Variants in MBD5 observed in about 807,000 individuals in gnomAD.
MBD5 encodes the protein methyl-CpG binding domain protein 5.
A neutral mutation model predicts 117.3 loss-of-function variants in MBD5; 13 were observed. That is an observed-to-expected ratio of 0.11 (90% CI 0.07 to 0.18). MBD5 has a LOEUF of 0.18. Among genes scored for constraint, MBD5 ranks in the 10% least tolerant of loss-of-function variants. MBD5 has a pLI of 1.00. For synonymous variants in MBD5, 727 were observed against 766.4 expected (o/e 0.95, Z 0.85); for missense variants, 1,879 against 2,093.8 (o/e 0.90, Z 2.00).
At chr2:148,233,172 T>C (rs1186574557) in intron 2 of MBD5, 73 bp from the exon 3 acceptor site, 1 of 152,222 alleles carries the variant, frequency 6.6e-6, no homozygotes, top group Non-Finnish European at 1.5e-5. Flanking sequence ...TCCTTAAATA[T>C]GAATGTAAAA....
chr2:148,465,541 A>G (rs1378486684), intron 7 of MBD5, among the ~76,000 whole-genome samples: 1 of 152,170 alleles, frequency 6.6e-6, no homozygotes, highest in Non-Finnish European at 1.5e-5. Context: ...ACCTGTAGTG[A>G]TCAGAGAAAG....
intron 4 of MBD5, among the ~76,000 whole-genome samples, chr2:148,386,714 G>T (rs1405358918): frequency 4.2e-5 from 3 of 71,258 alleles, no homozygotes; most frequent in Admixed American, 1.7e-4. Context: ...GCGAGACTCC[G>T]TCTCAAAAAA....
intron 4 of MBD5, among the ~76,000 whole-genome samples, chr2:148,402,143 C>T (rs774793298): frequency 1.3e-5 from 2 of 151,866 alleles, no homozygotes; most frequent in African/African-American, 2.4e-5. Context: ...CTATTTTCCC[C>T]CTTTGTCATT....
intron 3 of MBD5, among the ~76,000 whole-genome samples, chr2:148,291,236 C>G (rs1056328663): frequency 1.3e-5 from 2 of 152,110 alleles, no homozygotes; most frequent in African/African-American, 4.8e-5. Context: ...ATTTTAGCAA[C>G]AAAGCTAGCT....
intron 2 of MBD5, among the ~76,000 whole-genome samples, chr2:148,225,088 G>A (rs1377017089): frequency 6.6e-6 from 1 of 152,048 alleles, no homozygotes; most frequent in Non-Finnish European, 1.5e-5. Context: ...TGGTAAGTAA[G>A]GACTTACTCC....
intron 1 of MBD5, among the ~76,000 whole-genome samples, chr2:148,068,955 TCA>T (rs1695279624): frequency 6.6e-6 from 1 of 152,206 alleles, no homozygotes; most frequent in Non-Finnish European, 1.5e-5. Flanking sequence ...AGAGAAAATA[TCA>T]CAGTTTTTTA....
intron 8 of MBD5, among the ~76,000 whole-genome samples, chr2:148,482,271 T>C (rs1236760141): frequency 1.3e-5 from 2 of 152,144 alleles, no homozygotes; most frequent in African/African-American, 4.8e-5. Context: ...ATAATTGTCA[T>C]AGCGTTGCTT....
intron 4 of MBD5, among the ~76,000 whole-genome samples, chr2:148,388,552 T>C (rs528916974): frequency 2.0e-5 from 3 of 152,334 alleles, no homozygotes; most frequent in East Asian, 1.9e-4. Context: ...ATTCATTTTC[T>C]AGGGCTGCCT....
At chr2:148,034,130 G>T (rs1050324292) in intron 1 of MBD5, among the ~76,000 whole-genome samples, 3 of 152,100 alleles carry the variant, frequency 2.0e-5, no homozygotes, top group African/African-American at 7.2e-5. Flanking sequence ...GCGAGGTCAA[G>T]GCTGCAGGGA....
intron 2 of MBD5, among the ~76,000 whole-genome samples, chr2:148,207,828 T>C (rs1200348258): frequency 6.6e-6 from 1 of 152,220 alleles, no homozygotes; most frequent in Non-Finnish European, 1.5e-5. Flanking sequence ...CATTAATATA[T>C]GTTCATATAG....
chr2:148,256,171 C>G (rs1270221020), intron 3 of MBD5, among the ~76,000 whole-genome samples: 1 of 152,236 alleles, frequency 6.6e-6, no homozygotes, highest in Non-Finnish European at 1.5e-5. Flanking sequence ...TTAGGGCATG[C>G]CTGAGCACAT....
intron 4 of MBD5, among the ~76,000 whole-genome samples, chr2:148,410,400 G>C (rs764934612): frequency 1.3e-5 from 2 of 151,828 alleles, no homozygotes; most frequent in African/African-American, 2.4e-5. Flanking sequence ...TTTTCTTATT[G>C]GTTTGTAGGT....
At chr2:148,201,306 GT>G (rs1699134278) in intron 2 of MBD5, among the ~76,000 whole-genome samples, 1 of 152,158 alleles carries the variant, frequency 6.6e-6, no homozygotes, top group Non-Finnish European at 1.5e-5. Flanking sequence ...GACCAGGTGT[GT>G]TGCAAGTGAC....
chr2:148,368,106 G>A (rs923309240), intron 4 of MBD5, among the ~76,000 whole-genome samples: 12 of 152,194 alleles, frequency 7.9e-5, no homozygotes, highest in Non-Finnish European at 1.0e-4. Context: ...ACTGGATTAA[G>A]AAAATGTGGC....
intron 2 of MBD5, among the ~76,000 whole-genome samples, chr2:148,221,653 G>C (rs1434597684): frequency 6.6e-6 from 1 of 151,896 alleles, no homozygotes; most frequent in Non-Finnish European, 1.5e-5. Flanking sequence ...GTATATTCTA[G>C]TTATTAACCC....
chr2:148,021,558 G>A lies in MBD5; in HGVS notation c.-1051G>A. The stretch of plus-strand genomic sequence containing the variant: ...GCTGGAGACATCTCACTACACCCAG[G>A]AGCAGCCACTTCCCCAGCTCTCCTC... On this transcript the variant is annotated 5_prime_UTR_variant, in exon 1 of 14. Coordinates refer to ENST00000642680, the MANE Select transcript of MBD5 (RefSeq NM_001378120.1). 3.7e-6 allele frequency: 2 copies of A among 547,020 alleles called. No homozygotes were observed. Among genetic ancestry groups the A allele is most frequent in the South Asian group, 3.1e-5 (2 of 65,204 alleles). The allele number at this position is 547,020 out of a possible 1,614,324, so 33.9% of individuals were successfully genotyped here.
Position 148,335,527 on chromosome 2 carries a change from T to C in MBD5, c.-679-6687T>C, listed in dbSNP as rs1223642962. Among the ~76,000 whole-genome samples the C allele has an allele frequency of 2.6e-5, 4 of 152,020 alleles. No homozygotes were observed. In the East Asian group the frequency reaches 7.7e-4, roughly 29 times the overall value. ...TGAACCCAGGAGTATGAGACCAGCT[T>C]GGGCAACATAGCGAGCCCTCTTCTC... is the stretch of plus-strand genomic sequence containing the variant. On this transcript the variant is annotated intron_variant, in intron 3 of 13. Coordinates refer to ENST00000642680, the MANE Select transcript of MBD5 (RefSeq NM_001378120.1).
chr2:148,092,964 C>CT (rs1695980565), intron 1 of MBD5, among the ~76,000 whole-genome samples: 1 of 151,822 alleles, frequency 6.6e-6, no homozygotes, highest in Non-Finnish European at 1.5e-5. Context: ...GTCACCCAGG[C>CT]TGGAGTGCAG....
At chr2:148,071,256 G>A (rs1338723618) in intron 1 of MBD5, 1 of 150,250 alleles carries the variant, frequency 6.7e-6, no homozygotes, top group African/African-American at 2.5e-5. Flanking sequence ...CTTTCTCTCT[G>A]TGTTTAGATA....
Sources: allele counts gnomAD v4.1 joint callset (sites outside exome capture counted in the v4.1 genomes callset), GRCh38; gene constraint gnomAD v4.1.1; transcripts MANE v1.5; gene names NCBI Gene and HGNC (gene_info 2026-07-23, HGNC 2026-07-21).